TBC1D22A: variants seen among roughly 807,000 people sequenced by gnomAD.
TBC1D22A encodes the protein putative GTPase activator.
A neutral mutation model predicts 60.2 loss-of-function variants in TBC1D22A; 38 were observed. The observed-to-expected ratio is 0.63, with a 90% confidence interval of 0.49 to 0.83. The LOEUF is 0.83. Among genes scored for constraint, TBC1D22A ranks in the 40% least tolerant of loss-of-function variants. TBC1D22A has a pLI of 0.00. For missense variants in TBC1D22A, 628 were observed against 701.0 expected (o/e 0.90, Z 1.18); for synonymous variants, 302 against 281.7 (o/e 1.07, Z -0.72).
intron 8 of TBC1D22A, among the ~76,000 whole-genome samples, chr22:46,954,977 A>G (rs1007432815): frequency 3.9e-5 from 6 of 152,326 alleles, no homozygotes; most frequent in Admixed American, 1.3e-4. Context: ...CCATGTCAGG[A>G]GCAATTAAAC....
At chr22:47,166,764 C>T (rs1026245248) in intron 12 of TBC1D22A, among the ~76,000 whole-genome samples, 1 of 152,242 alleles carries the variant, frequency 6.6e-6, no homozygotes, top group African/African-American at 2.4e-5. Flanking sequence ...CCAGTGAACA[C>T]CTGCAGTGCC....
chr22:46,884,419 C>T (rs999065411), intron 5 of TBC1D22A, among the ~76,000 whole-genome samples: 13 of 152,168 alleles, frequency 8.5e-5, no homozygotes, highest in Non-Finnish European at 1.9e-4. Context: ...ATAGTGCCCA[C>T]CAGACACAGG....
In TBC1D22A at chr22:46,874,677, G is replaced by A. The variant is rs1054389510; in HGVS notation, c.638-3976G>A. Reference sequence around the variant, plus strand: ...CAGCCTCCACCTCTTGGGTTCAAGTGATTCTCCTGCCTTAGCCTCCCAAGT... The same window carrying A: ...CAGCCTCCACCTCTTGGGTTCAAGTAATTCTCCTGCCTTAGCCTCCCAAGT... On this transcript the variant is annotated intron_variant, in intron 4 of 12. Transcript: ENST00000337137. 1.2e-4 allele frequency among the ~76,000 whole-genome samples: 17 copies of A among 139,050 alleles called. No homozygotes were observed. The Admixed American group carries it at 1.4e-3, about 11-fold the overall frequency. 91.2% of individuals were successfully genotyped at this position (139,050 alleles called of 152,430 possible).
At position 46,811,740 on chromosome 22, in the gene TBC1D22A, C is replaced by T. The variant is rs142948908; in HGVS notation, c.637+14120C>T. Among the ~76,000 whole-genome samples the T allele has an allele frequency of 1.5e-3, 225 of 152,290 alleles. 10 individuals carry two copies. In the East Asian group the frequency reaches 0.033, roughly 22 times the overall value. The stretch of plus-strand genomic sequence containing the variant: ...CAGAGAGAGCCAGCATCCAGTCTGT[C>T]GCCCTGCAGGACTGATAGTTTCAGA... On this transcript the variant is annotated intron_variant, in intron 4 of 12. Coordinates refer to ENST00000337137, the MANE Select transcript of TBC1D22A (RefSeq NM_014346.5).
At chr22:46,773,305 T>C (rs2083567276) in intron 1 of TBC1D22A, among the ~76,000 whole-genome samples, 1 of 152,174 alleles carries the variant, frequency 6.6e-6, no homozygotes, top group Non-Finnish European at 1.5e-5. Flanking sequence ...ATGACCCACC[T>C]GCGTAGTTCT....
chr22:46,773,868 C>A, intron 1 of TBC1D22A: 1 of 914,882 alleles, frequency 1.1e-6, no homozygotes, highest in Non-Finnish European at 1.3e-6. Flanking sequence ...AACTCAGAAG[C>A]TGAGCTACGT....
At chr22:46,917,640 G>A (rs1403351597) in intron 8 of TBC1D22A, among the ~76,000 whole-genome samples, 1 of 152,194 alleles carries the variant, frequency 6.6e-6, no homozygotes, top group Non-Finnish European at 1.5e-5. Context: ...AGAAGAGTCT[G>A]TTGGGATCCG....
At chr22:47,113,507 C>T (rs1009788988) in intron 12 of TBC1D22A, among the ~76,000 whole-genome samples, 15 of 152,152 alleles carry the variant, frequency 9.9e-5, no homozygotes, top group Non-Finnish European at 2.1e-4. Flanking sequence ...CATGTCTCAT[C>T]GTCTCCAGAA....
chr22:46,792,069 C>G (rs978201308), intron 1 of TBC1D22A, among the ~76,000 whole-genome samples: 1 of 152,228 alleles, frequency 6.6e-6, no homozygotes, highest in Non-Finnish European at 1.5e-5. Flanking sequence ...CCTGTTCAAT[C>G]TTTTAAAAAA....
At chr22:47,145,233 G>T (rs917392706) in intron 12 of TBC1D22A, among the ~76,000 whole-genome samples, 8 of 152,214 alleles carry the variant, frequency 5.3e-5, no homozygotes, top group African/African-American at 1.7e-4. Flanking sequence ...GATTGGGAAG[G>T]TGCTGGTTCC....
At chr22:47,063,594 C>T (rs550974499) in intron 11 of TBC1D22A, among the ~76,000 whole-genome samples, 28 of 152,266 alleles carry the variant, frequency 1.8e-4, no homozygotes, top group African/African-American at 5.8e-4. Context: ...GGGTGCCCCT[C>T]CAGTCACACC....
intron 11 of TBC1D22A, among the ~76,000 whole-genome samples, chr22:47,110,569 G>A (rs1303992180): frequency 6.6e-6 from 1 of 152,138 alleles, no homozygotes; most frequent in Non-Finnish European, 1.5e-5. Flanking sequence ...TACTGAAGTG[G>A]CATCCCTCTC....
intron 10 of TBC1D22A, among the ~76,000 whole-genome samples, chr22:47,036,269 C>A (rs1017102967): frequency 6.6e-6 from 1 of 152,172 alleles, no homozygotes; most frequent in Non-Finnish European, 1.5e-5. Flanking sequence ...CTTCTAGGCC[C>A]TTTAGAGTAG....
At chr22:46,809,296 G>A (rs140216480) in intron 4 of TBC1D22A, among the ~76,000 whole-genome samples, 11 of 152,208 alleles carry the variant, frequency 7.2e-5, no homozygotes, top group Non-Finnish European at 1.6e-4. Flanking sequence ...GAGAGCGAGC[G>A]TGCACAGGAG....
At chr22:47,100,326 C>G (rs1284280877) in intron 11 of TBC1D22A, among the ~76,000 whole-genome samples, 1 of 151,780 alleles carries the variant, frequency 6.6e-6, no homozygotes, top group African/African-American at 2.4e-5. Context: ...GGAATGAGGC[C>G]TTTGGGCACA....
intron 1 of TBC1D22A, among the ~76,000 whole-genome samples, chr22:46,769,385 T>C (rs959767474): frequency 6.6e-6 from 1 of 152,184 alleles, no homozygotes; most frequent in Non-Finnish European, 1.5e-5. Flanking sequence ...GGTGCTGTGG[T>C]GCGTGCTGAG....
At position 47,093,650 on chromosome 22, in the gene TBC1D22A, G is replaced by C. The variant is rs567865149; in HGVS notation, c.1330-17858G>C. ...TAAAAGGACCTAGGAACACAGCCCT[G>C]GGAAACGCCTTTCAAATTTGAACAT... On this transcript the variant is annotated intron_variant, in intron 11 of 12. Transcript: ENST00000337137. 1.2e-3 allele frequency among the ~76,000 whole-genome samples: 176 copies of C among 152,246 alleles called. 2 individuals carry two copies. The highest frequency in any genetic ancestry group is 2.2e-3 in the Non-Finnish European group (147 of 68,014).
intron 4 of TBC1D22A, among the ~76,000 whole-genome samples, chr22:46,836,872 C>T (rs2086545113): frequency 6.6e-6 from 1 of 151,826 alleles, no homozygotes; most frequent in Non-Finnish European, 1.5e-5. Flanking sequence ...AAAACTGTCA[C>T]AAGAGGTTGG....
At chr22:47,145,889 G>A (rs1418347870) in intron 12 of TBC1D22A, among the ~76,000 whole-genome samples, 6 of 152,370 alleles carry the variant, frequency 3.9e-5, no homozygotes, top group Admixed American at 6.5e-5. Context: ...AGGAGGCCAC[G>A]GTGTGGGGAC....
Sources: gnomAD v4.1 joint callset for allele counts (sites outside exome capture counted in the v4.1 genomes callset) on GRCh38, gnomAD v4.1.1 for gene constraint, MANE v1.5 for transcripts, NCBI Gene and HGNC (gene_info 2026-07-23, HGNC 2026-07-21) for gene names.